Variants in HOMER2 observed in about 807,000 individuals in gnomAD.
HOMER2 encodes homer scaffold protein 2.
A neutral mutation model predicts 47.0 loss-of-function variants in HOMER2; 27 were observed. The ratio of observed to expected loss-of-function variants is 0.57; its 90% CI spans 0.42 to 0.79. The LOEUF (loss-of-function observed/expected upper bound fraction) is 0.79, where lower values mean the gene tolerates loss of function less well. Ranked by LOEUF, HOMER2 falls within the 30% of genes least tolerant of loss-of-function variation. The probability of loss-of-function intolerance (pLI) is 0.00; values close to 1 mark genes in which losing one functional copy is unlikely to be tolerated. For synonymous variants in HOMER2, 161 were observed against 163.8 expected, an observed-to-expected ratio of 0.98 and a Z score of 0.13; for missense variants, 443 against 435.0, an observed-to-expected ratio of 1.02 and a Z score of -0.16.
At chr15:82,968,808 G>C (rs1460931700) in intron 1 of HOMER2, among the ~76,000 whole-genome samples, 1 of 152,216 alleles carries the variant, frequency 6.6e-6, no homozygotes, top group Non-Finnish European at 1.5e-5. Flanking sequence ...TTGAGAGGGA[G>C]TGTGGAGACA....
At chr15:82,952,749 G>T (rs1393081040), upstream of HOMER2, 5 of 971,628 alleles carry the variant, frequency 5.1e-6, no homozygotes, top group Non-Finnish European at 4.9e-6. Flanking sequence ...CGGCCGCGCT[G>T]GGGCGGTGCC....
At chr15:82,896,288 G>T (rs867809587) in intron 1 of HOMER2, among the ~76,000 whole-genome samples, 1 of 152,304 alleles carries the variant, frequency 6.6e-6, no homozygotes, top group East Asian at 1.9e-4. Flanking sequence ...AAAGTGGAGA[G>T]ATGGAGGGGA....
At chr15:82,946,981 G>A (rs1215105156) in intron 1 of HOMER2, among the ~76,000 whole-genome samples, 2 of 152,192 alleles carry the variant, frequency 1.3e-5, no homozygotes, top group African/African-American at 4.8e-5. Context: ...TACTCTCACA[G>A]CATTTCACAT....
chr15:82,910,132 C>CAAAAAAA (rs35191408), intron 1 of HOMER2, among the ~76,000 whole-genome samples: 8 of 22,130 alleles, frequency 3.6e-4, no homozygotes, highest in African/African-American at 7.3e-4. Context: ...GATTCTGTCT[C>CAAAAAAA]AAAAAAAAAA....
At chr15:82,928,334 C>G (rs1469318274) in intron 1 of HOMER2, among the ~76,000 whole-genome samples, 2 of 152,192 alleles carry the variant, frequency 1.3e-5, no homozygotes, top group African/African-American at 4.8e-5. Flanking sequence ...AGCACATAGA[C>G]TGGTTTCTGT....
intron 1 of HOMER2, among the ~76,000 whole-genome samples, chr15:82,931,793 G>A (rs140011088): frequency 0.023 from 3,514 of 152,174 alleles, 50 homozygotes; most frequent in Non-Finnish European, 0.036. Flanking sequence ...AGCCGAGATC[G>A]CGCCACTGCA....
chr15:82,911,318 C>CA (rs2053447835), intron 1 of HOMER2, among the ~76,000 whole-genome samples: 1 of 152,098 alleles, frequency 6.6e-6, no homozygotes, highest in South Asian at 2.1e-4. Flanking sequence ...CTAGTTTTGG[C>CA]AAACTGGTTT....
At chr15:82,836,317 C>T (rs558349472), downstream of HOMER2, among the ~76,000 whole-genome samples, 8 of 152,342 alleles carry the variant, frequency 5.3e-5, no homozygotes, top group African/African-American at 1.4e-4. Context: ...CCAGTCTTCA[C>T]CTCTCCCTGG....
chr15:82,927,754 T>C (rs968201015), intron 1 of HOMER2, among the ~76,000 whole-genome samples: 2 of 152,004 alleles, frequency 1.3e-5, no homozygotes. Flanking sequence ...GTGGATCACG[T>C]GAAGTCAGGA....
chr15:82,953,823 T>C (rs891466087), upstream of HOMER2, among the ~76,000 whole-genome samples: 16 of 152,134 alleles, frequency 1.1e-4, no homozygotes, highest in Non-Finnish European at 2.1e-4. Context: ...GCGGATCTTG[T>C]AGTGAGCCGA....
At chr15:82,889,791 A>C (rs1483565054) in intron 2 of HOMER2, among the ~76,000 whole-genome samples, 7 of 152,114 alleles carry the variant, frequency 4.6e-5, no homozygotes, top group African/African-American at 1.7e-4. Flanking sequence ...CTGGGTTTAC[A>C]GGTTGCTGCC....
intron 2 of HOMER2, among the ~76,000 whole-genome samples, chr15:82,875,921 T>C (rs1271172432): frequency 6.6e-6 from 1 of 152,164 alleles, no homozygotes; most frequent in Non-Finnish European, 1.5e-5. Flanking sequence ...GGAGGGTTAA[T>C]TGACAAAGAA....
chr15:82,838,877 C>T (rs985518880), exon 2 of HOMER2: 8 of 152,186 alleles, frequency 5.3e-5, no homozygotes, highest in African/African-American at 1.9e-4. Flanking sequence ...CTGGGATTCA[C>T]CACTCCTACA....
chr15:82,930,971 GTGCCCTGTGCACCTCC>G (rs2053992722), intron 1 of HOMER2, among the ~76,000 whole-genome samples: 1 of 152,124 alleles, frequency 6.6e-6, no homozygotes, highest in African/African-American at 2.4e-5. Context: ...AGGTTGCAGT[GTGCCCTGTGCACCTCC>G]TGCCCTGTGC....
chr15:82,901,730 A>G (rs888784402), intron 1 of HOMER2, among the ~76,000 whole-genome samples: 3 of 152,252 alleles, frequency 2.0e-5, no homozygotes, highest in Non-Finnish European at 4.4e-5. Flanking sequence ...ACTCGGGGCC[A>G]GCATCTCCCT....
chr15:82,838,784 G>A (rs2051149871), exon 2 of HOMER2: 1 of 152,232 alleles, frequency 6.6e-6, no homozygotes, highest in Admixed American at 6.5e-5. Context: ...TGAGCCTGGT[G>A]GAACAGGGGC....
intron 2 of HOMER2, among the ~76,000 whole-genome samples, chr15:82,890,020 G>T (rs1395710132): frequency 6.6e-6 from 1 of 152,152 alleles, no homozygotes; most frequent in African/African-American, 2.4e-5. Context: ...GCTCTGTCAT[G>T]GATCTCTGGT....
chr15:82,951,440 A>AG lies in HOMER2; in HGVS notation c.5+1090dup, dbSNP rs565909530. ...TACGGTGCAAGAAAGCCACTGACCC[A>AG]GGGGGGCTGAGCCAGGGCACCAGGA... On this transcript the variant is annotated intron_variant, in intron 1 of 8. Transcript: ENST00000450735. Among the ~76,000 whole-genome samples, 14 of 152,342 alleles carry AG rather than the reference A, an allele frequency of 9.2e-5. No homozygotes were observed. In the South Asian group the frequency reaches 2.9e-3, roughly 32 times the overall value.
chr15:82,835,863 GA>G (rs2051120848), downstream of HOMER2: 1 of 152,264 alleles, frequency 6.6e-6, no homozygotes, highest in Non-Finnish European at 1.5e-5. Context: ...ACTTCCTAGG[GA>G]AAGAATTTGG....
Sources: gnomAD v4.1 joint callset for allele counts (sites outside exome capture counted in the v4.1 genomes callset) on GRCh38, gnomAD v4.1.1 for gene constraint, MANE v1.5 for transcripts, NCBI Gene and HGNC (gene_info 2026-07-23, HGNC 2026-07-21) for gene names.